KANSL1: variants seen among roughly 807,000 people sequenced by gnomAD.
The protein encoded by KANSL1 is MLL1/MLL complex subunit KANSL1.
Under a neutral mutation model 103.6 loss-of-function variants are expected in KANSL1, and 22 were observed. That is an observed-to-expected ratio of 0.21 (90% CI 0.15 to 0.30). The LOEUF is 0.30. KANSL1 is among the 10% of genes least tolerant of loss of function. The pLI is 1.00. For missense variants in KANSL1, 1,337 were observed against 1,399.8 expected, an observed-to-expected ratio of 0.96 and a Z score of 0.72; for synonymous variants, 600 against 527.6, an observed-to-expected ratio of 1.14 and a Z score of -1.88.
intron 2 of KANSL1, among the ~76,000 whole-genome samples, chr17:46,103,228 G>C (rs1468863645): frequency 2.0e-5 from 3 of 152,126 alleles, no homozygotes; most frequent in African/African-American, 7.2e-5. Context: ...ATTTATCTCA[G>C]ACCCTGTTTG....
chr17:46,159,517 A>G (rs1362723872), intron 2 of KANSL1, among the ~76,000 whole-genome samples: 1 of 152,224 alleles, frequency 6.6e-6, no homozygotes, highest in Non-Finnish European at 1.5e-5. Flanking sequence ...AATACAGACT[A>G]AGTAGATGAA....
chr17:46,199,098 T>G (rs906230633), intron 1 of KANSL1, among the ~76,000 whole-genome samples: 3 of 152,174 alleles, frequency 2.0e-5, no homozygotes, highest in Admixed American at 6.6e-5. Flanking sequence ...GTTAAGAAAT[T>G]TAAGTCAAAA....
At chr17:46,070,003 T>C (rs1361190673) in intron 4 of KANSL1, among the ~76,000 whole-genome samples, 1 of 152,124 alleles carries the variant, frequency 6.6e-6, no homozygotes, top group South Asian at 2.1e-4. Context: ...CATAGACACA[T>C]TGCCTTAAGC....
chr17:46,096,305 T>TC (rs2042063741), intron 2 of KANSL1, among the ~76,000 whole-genome samples: 1 of 122,438 alleles, frequency 8.2e-6, no homozygotes. Flanking sequence ...TACCTGGCTT[T>TC]TTTTTCTTTT....
intron 2 of KANSL1, among the ~76,000 whole-genome samples, chr17:46,163,484 T>C (rs75877285): frequency 0.11 from 17,266 of 150,312 alleles, no homozygotes; most frequent in Non-Finnish European, 0.17. Flanking sequence ...TGTCTCAACT[T>C]CCTGAGAGCT....
intron 1 of KANSL1, among the ~76,000 whole-genome samples, chr17:46,214,416 G>T (rs1312656720): frequency 1.3e-5 from 2 of 152,210 alleles, no homozygotes; most frequent in African/African-American, 4.8e-5. Context: ...CACTTTGGGA[G>T]GCTGAGGGGG....
chr17:46,070,045 G>T (rs56318865), intron 4 of KANSL1, among the ~76,000 whole-genome samples: 1 of 152,084 alleles, frequency 6.6e-6, no homozygotes. Flanking sequence ...AAGCAACACG[G>T]TATTAAGCAG....
chr17:46,090,098 G>A (rs62061766), intron 3 of KANSL1, among the ~76,000 whole-genome samples: 21,654 of 151,056 alleles, frequency 0.14, 2,114 homozygotes, highest in Non-Finnish European at 0.22. Context: ...GTGTCCTCCT[G>A]ACATGGAAAT....
intron 2 of KANSL1, among the ~76,000 whole-genome samples, chr17:46,138,266 C>G (rs562862355): frequency 6.6e-6 from 1 of 152,330 alleles, no homozygotes. Flanking sequence ...GTAAGTACAG[C>G]TGACCCTCTG....
intron 2 of KANSL1, among the ~76,000 whole-genome samples, chr17:46,155,733 C>A (rs1450058576): frequency 6.6e-6 from 1 of 152,084 alleles, no homozygotes; most frequent in East Asian, 1.9e-4. Flanking sequence ...AGGAGCATAA[C>A]ACTCTAGTTC....
chr17:46,044,329 C>A (rs2077429189), intron 7 of KANSL1: 1 of 152,180 alleles, frequency 6.6e-6, no homozygotes, highest in Non-Finnish European at 1.5e-5. Context: ...AATGAGAAGA[C>A]CCTGACTTCA....
chr17:46,092,151 G>A (rs905811678), intron 3 of KANSL1, among the ~76,000 whole-genome samples: 1 of 152,162 alleles, frequency 6.6e-6, no homozygotes, highest in African/African-American at 2.4e-5. Flanking sequence ...TTGAATTTAA[G>A]TGCACTTTAT....
At chr17:46,066,114 T>A (rs1036251451) in intron 6 of KANSL1, among the ~76,000 whole-genome samples, 3 of 152,190 alleles carry the variant, frequency 2.0e-5, no homozygotes, top group African/African-American at 7.2e-5. Flanking sequence ...CGCCTTGGCC[T>A]CCCGAAGTGT....
chr17:46,084,763 A>G (rs1043488535), intron 3 of KANSL1, among the ~76,000 whole-genome samples: 82 of 151,554 alleles, frequency 5.4e-4, no homozygotes, highest in Non-Finnish European at 2.4e-4. Flanking sequence ...AAGGCCATTA[A>G]CTAGTAAGCA....
rs2046296742 is a variant in KANSL1, at chr17:46,171,618, G to A, written c.526C>T (p.Leu176Phe). The A allele has an allele frequency of 6.3e-7, 1 of 1,576,010 alleles. No homozygotes were observed. The highest frequency in any genetic ancestry group is 8.6e-7 in the Non-Finnish European group (1 of 1,164,704). ...GTGAGAGCCCGTTTTCCCCCATTGA[G>A]GGAAGTGGAATTGTCATGATCAGAA... ...THSDHDNSTS[L>F]NGGKRALTSS... Residue 176 changes from leucine to phenylalanine, a missense_variant, in exon 2 of 15, where the codon CTC becomes TTC. Leu to Phe is a conservative substitution (Grantham distance 22, BLOSUM62 0). Coordinates refer to ENST00000432791, the MANE Select transcript of KANSL1 (RefSeq NM_015443.4).
intron 1 of KANSL1, among the ~76,000 whole-genome samples, chr17:46,212,962 A>T (rs576487170): frequency 6.6e-6 from 1 of 152,330 alleles, no homozygotes; most frequent in African/African-American, 2.4e-5. Context: ...GGTCATTTGT[A>T]TTTCTTCCTT....
At chr17:46,218,810 T>G (rs2048421953) in intron 1 of KANSL1, among the ~76,000 whole-genome samples, 1 of 151,828 alleles carries the variant, frequency 6.6e-6, no homozygotes, top group African/African-American at 2.4e-5. Flanking sequence ...GTAATTACAA[T>G]AAGAACAGTA....
Position 46,034,392 on chromosome 17 carries a change from T to C in KANSL1, c.2542-107A>G, listed in dbSNP as rs931882904. On this transcript the variant is annotated intron_variant, in intron 10 of 14. Coordinates refer to ENST00000432791, the MANE Select transcript of KANSL1 (RefSeq NM_015443.4). ...ACCAATAACCAAGCATCTGGGTCCT[T>C]GGGTTGAAGCTGAGTAATGACCATA... The C allele has an allele frequency of 3.9e-6, 5 of 1,295,224 alleles. No individual in the cohort carries two copies. The South Asian group carries it at 5.0e-5, about 13-fold the overall frequency. 80.2% of individuals were successfully genotyped at this position (1,295,224 alleles called of 1,614,324 possible). A position where few individuals can be genotyped will look rare whatever the true frequency, so the allele number is the denominator to read the frequency against.
chr17:46,104,738 G>C (rs940157712), intron 2 of KANSL1, among the ~76,000 whole-genome samples: 2 of 152,212 alleles, frequency 1.3e-5, no homozygotes, highest in African/African-American at 4.8e-5. Flanking sequence ...ATGGCTTACA[G>C]TTCTTGACTG....
Sources: allele counts gnomAD v4.1 joint callset (sites outside exome capture counted in the v4.1 genomes callset), GRCh38; gene constraint gnomAD v4.1.1; transcripts MANE v1.5; gene names NCBI Gene and HGNC (gene_info 2026-07-23, HGNC 2026-07-21).